Variants in RNF168 observed in about 807,000 individuals in gnomAD.
RNF168 encodes the protein E3 ubiquitin-protein ligase RNF168.
A neutral mutation model predicts 34.9 loss-of-function variants in RNF168; 34 were observed. That is an observed-to-expected ratio of 0.97 (90% CI 0.74 to 1.30). The LOEUF (loss-of-function observed/expected upper bound fraction) is 1.30, where lower values mean the gene tolerates loss of function less well. Among genes scored for constraint, RNF168 ranks in the 50% most tolerant of loss-of-function variants. The pLI is 0.00. For synonymous variants in RNF168, 264 were observed against 254.7 expected (o/e 1.04, Z -0.35); for missense variants, 725 against 682.5 (o/e 1.06, Z -0.69).
At chr3:196,493,812 G>A (rs55642688) in intron 1 of RNF168, among the ~76,000 whole-genome samples, 15,596 of 151,098 alleles carry the variant, frequency 0.1, 2,589 homozygotes, top group African/African-American at 0.35. Context: ...GTGAGCCACC[G>A]TGCCCAGCCT....
At chr3:196,493,813 T>G (rs559959317) in intron 1 of RNF168, among the ~76,000 whole-genome samples, 1 of 151,698 alleles carries the variant, frequency 6.6e-6, no homozygotes, top group African/African-American at 2.4e-5. Context: ...TGAGCCACCG[T>G]GCCCAGCCTT....
At chr3:196,485,201 CATAA>C (rs759785893) in intron 3 of RNF168, among the ~76,000 whole-genome samples, 1 of 152,122 alleles carries the variant, frequency 6.6e-6, no homozygotes, top group Non-Finnish European at 1.5e-5. Flanking sequence ...ACCAAACTTT[CATAA>C]ATAAATAGAA....
At position 196,471,978 on chromosome 3, in the gene RNF168, C is replaced by T. The variant is rs779970300; in HGVS notation, c.1557G>A (p.Arg519=). The change falls in exon 6 of 6, where the codon AGG becomes AGA. Residue 519 remains arginine, a synonymous_variant. Transcript: ENST00000318037. The stretch of plus-strand genomic sequence containing the variant: ...TCAACTGCATCTTTAAAGACACTTG[C>T]CTATTTTTGTCCCTTGAGCCTCTCT... ...TPERGSRDKN[R]QVSLKMQLKQ... 4 of 1,614,154 alleles carry T rather than the reference C, an allele frequency of 2.5e-6. No individual in the cohort carries two copies. The South Asian group carries it at 4.4e-5, about 18-fold the overall frequency.
At chr3:196,497,506 C>CA (rs1054052350) in intron 1 of RNF168, among the ~76,000 whole-genome samples, 1 of 151,420 alleles carries the variant, frequency 6.6e-6, no homozygotes, top group African/African-American at 2.4e-5. Flanking sequence ...CCCATCTCTA[C>CA]AAAAAATACA....
At chr3:196,488,463 C>G (rs1445781500) in intron 2 of RNF168, 144 bp downstream of exon 2, 21 of 527,262 alleles carry the variant, frequency 4.0e-5, no homozygotes, top group Middle Eastern at 5.3e-4. Flanking sequence ...GCCTGGGTGA[C>G]AGAGTGAGAC....
intron 4 of RNF168, among the ~76,000 whole-genome samples, chr3:196,478,291 C>T (rs893889947): frequency 6.6e-6 from 1 of 152,136 alleles, no homozygotes; most frequent in African/African-American, 2.4e-5. Context: ...TGAACTACAG[C>T]CTAAAGGGAG....
At chr3:196,500,357 G>A (rs1028357133) in intron 1 of RNF168, among the ~76,000 whole-genome samples, 3 of 152,148 alleles carry the variant, frequency 2.0e-5, no homozygotes, top group African/African-American at 7.2e-5. Flanking sequence ...CATGCAGTAT[G>A]GATGAACCTG....
chr3:196,475,514 A>G (rs1190237295), intron 4 of RNF168: 1 of 558,540 alleles, frequency 1.8e-6, no homozygotes, highest in Non-Finnish European at 3.2e-6. Flanking sequence ...TTAGTGAAAA[A>G]CAGAAAAGGA....
At chr3:196,477,279 G>A (rs1732172872) in intron 4 of RNF168, among the ~76,000 whole-genome samples, 1 of 152,110 alleles carries the variant, frequency 6.6e-6, no homozygotes, top group Non-Finnish European at 1.5e-5. Flanking sequence ...GGAAACTTTG[G>A]GTGATTTTCA....
intron 1 of RNF168, among the ~76,000 whole-genome samples, chr3:196,489,412 C>T (rs1372153931): frequency 3.9e-5 from 6 of 152,106 alleles, no homozygotes; most frequent in South Asian, 2.1e-4. Flanking sequence ...CTGCAACCTC[C>T]GCCTCCCGGG....
At chr3:196,481,392 G>T (rs186932476) in intron 4 of RNF168, among the ~76,000 whole-genome samples, 1 of 151,676 alleles carries the variant, frequency 6.6e-6, no homozygotes, top group East Asian at 1.9e-4. Flanking sequence ...GGCCATGATC[G>T]CACCACTGCG....
Position 196,471,775 on chromosome 3 carries a change from C to T in RNF168, c.*44G>A. ...GATTCCATGATAGGAAAGAGCTTCA[C>T]ATTCCAGCTTTACTAGATCACAAAG... On this transcript the variant is annotated 3_prime_UTR_variant, in exon 6 of 6. Transcript: ENST00000318037. 8.0e-7 allele frequency: 1 copy of T among 1,244,616 alleles called. No individual in the cohort carries two copies. The highest frequency in any genetic ancestry group is 1.2e-5 in the South Asian group (1 of 83,452). The allele number at this position is 1,244,616 out of a possible 1,614,324, so 77.1% of individuals were successfully genotyped here.
intron 3 of RNF168, among the ~76,000 whole-genome samples, chr3:196,486,196 C>T (rs1218649402): frequency 2.0e-5 from 3 of 152,014 alleles, no homozygotes; most frequent in African/African-American, 7.3e-5. Context: ...TGATTTACAT[C>T]CATAAAATGG....
chr3:196,480,535 C>G lies in RNF168; in HGVS notation c.680+3235G>C, dbSNP rs576756865. Reference sequence around the variant, plus strand: ...AGTTGGAATTCTGATTCGAATTGCACTGACTCTATAGATCAGTCTGAGGAG... The same window carrying G: ...AGTTGGAATTCTGATTCGAATTGCAGTGACTCTATAGATCAGTCTGAGGAG... On this transcript the variant is annotated intron_variant, in intron 4 of 5. Coordinates refer to ENST00000318037, the MANE Select transcript of RNF168 (RefSeq NM_152617.4). Among the ~76,000 whole-genome samples the G allele has an allele frequency of 5.2e-5, 8 of 152,388 alleles. No homozygotes were observed. In the South Asian group the frequency reaches 1.4e-3, roughly 28 times the overall value.
chr3:196,487,279 G>C, intron 3 of RNF168, 120 bp downstream of exon 3: 2 of 918,882 alleles, frequency 2.2e-6, no homozygotes, highest in South Asian at 1.3e-5. Flanking sequence ...GGGTGGAAAA[G>C]ACAATATTTG....
chr3:196,500,863 C>T (rs2108656231), intron 1 of RNF168, among the ~76,000 whole-genome samples: 1 of 151,572 alleles, frequency 6.6e-6, no homozygotes, highest in East Asian at 1.9e-4. Flanking sequence ...AGGCGCGTGC[C>T]AACATGCCCG....
In RNF168 at chr3:196,472,341, G is replaced by C. The variant is rs141504396; in HGVS notation, c.1194C>G (p.Val398=). ...RKNQESSFEA[V]KDPCFSAKRR... is the part of the protein sequence containing the mutation. ...TTTTTGCAGAAAAGCATGGATCCTT[G>C]ACTGCTTCAAAGGAAGATTCTTGGT... Residue 398 remains valine, a synonymous_variant, in exon 6 of 6, where the codon GTC becomes GTG. Coordinates refer to ENST00000318037, the MANE Select transcript of RNF168 (RefSeq NM_152617.4). The C allele has an allele frequency of 1.9e-5, 31 of 1,613,936 alleles. No individual in the cohort carries two copies. The highest frequency in any genetic ancestry group is 2.5e-5 in the Non-Finnish European group (29 of 1,179,958).
At chr3:196,477,511 T>C (rs1195351725) in intron 4 of RNF168, among the ~76,000 whole-genome samples, 1 of 152,234 alleles carries the variant, frequency 6.6e-6, no homozygotes, top group Non-Finnish European at 1.5e-5. Context: ...TTTACTCTGT[T>C]AACTTTGAAG....
intron 3 of RNF168, among the ~76,000 whole-genome samples, chr3:196,487,049 G>C (rs1279104753): frequency 6.6e-6 from 1 of 152,146 alleles, no homozygotes; most frequent in African/African-American, 2.4e-5. Context: ...AGTAAGACCT[G>C]TCTCAAAAAA....
Sources: gnomAD v4.1 joint callset for allele counts (sites outside exome capture counted in the v4.1 genomes callset) on GRCh38, gnomAD v4.1.1 for gene constraint, MANE v1.5 for transcripts, NCBI Gene and HGNC (gene_info 2026-07-23, HGNC 2026-07-21) for gene names.